Variants in RORA observed in about 807,000 individuals in gnomAD.
RORA encodes the protein nuclear receptor ROR-alpha.
RORA carries 7 observed loss-of-function variants against 69.5 expected under a neutral mutation model. That is an observed-to-expected ratio of 0.10 (90% CI 0.06 to 0.19). RORA has a LOEUF of 0.19. RORA is among the 10% of genes least tolerant of loss of function. The pLI is 1.00. For missense variants in RORA, 457 were observed against 663.0 expected (o/e 0.69, Z 3.41); for synonymous variants, 261 against 240.8 (o/e 1.08, Z -0.78).
At chr15:60,947,989 G>A (rs113239207) in intron 1 of RORA, among the ~76,000 whole-genome samples, 1 of 152,172 alleles carries the variant, frequency 6.6e-6, no homozygotes, top group Admixed American at 6.5e-5. Flanking sequence ...TATAGGGGTG[G>A]ATGATGCCTT....
At chr15:60,629,641 G>T (rs189103412) in intron 2 of RORA, among the ~76,000 whole-genome samples, 1 of 152,300 alleles carries the variant, frequency 6.6e-6, no homozygotes, top group Admixed American at 6.5e-5. Flanking sequence ...TAGGCAGATG[G>T]GATGCTGCCA....
At chr15:60,724,700 C>T (rs1335583751) in intron 1 of RORA, among the ~76,000 whole-genome samples, 2 of 152,166 alleles carry the variant, frequency 1.3e-5, no homozygotes, top group Non-Finnish European at 2.9e-5. Flanking sequence ...GGAGGGCGAG[C>T]TCCTTAAGAA....
At chr15:60,887,614 A>G (rs2073765819) in intron 1 of RORA, among the ~76,000 whole-genome samples, 1 of 152,234 alleles carries the variant, frequency 6.6e-6, no homozygotes, top group African/African-American at 2.4e-5. Context: ...ATTTCTTTCT[A>G]TGTGGTTATA....
rs1023218595 is a variant in RORA at position 60,490,573 on chromosome 15, G to A, written c.*6882C>T. ...GTAAGAGAGAAAATGTTTACAGGCCGTTACAAGTTCTTAAGTTAATAGTAA... is the reference window on the plus strand; with the variant it reads ...GTAAGAGAGAAAATGTTTACAGGCCATTACAAGTTCTTAAGTTAATAGTAA... On this transcript the variant is annotated 3_prime_UTR_variant, in exon 11 of 11. Coordinates refer to ENST00000335670, the MANE Select transcript of RORA (RefSeq NM_134261.3). The surrounding 1 kb of genome is among the most constrained non-coding windows in gnomAD (Gnocchi z 4.1). 3 of 152,082 alleles carry A rather than the reference G, an allele frequency of 2.0e-5. No homozygotes were observed. The highest frequency in any genetic ancestry group is 2.9e-5 in the Non-Finnish European group (2 of 67,978). The allele number at this position is 152,082 out of a possible 1,614,324, so 9.4% of individuals were successfully genotyped here. A position where few individuals can be genotyped will look rare whatever the true frequency, so the allele number is the denominator to read the frequency against.
rs557852764 is a variant in RORA at position 61,196,800 on chromosome 15, T to A, written c.166+32253A>T. The stretch of plus-strand genomic sequence containing the variant: ...TTGTTACAGTGTTTTAAAAAAATTT[T>A]AAGACACATAATCCAGTCACCCGTG... On this transcript the variant is annotated intron_variant, in intron 1 of 10. Transcript: ENST00000335670. 2.3e-3 allele frequency among the ~76,000 whole-genome samples: 348 copies of A among 152,368 alleles called. 2 individuals are homozygous for A. The highest frequency in any genetic ancestry group is 8.1e-3 in the African/African-American group (336 of 41,594).
Position 61,147,174 on chromosome 15 carries a change from T to C in RORA, c.166+81879A>G, listed in dbSNP as rs147458384. On this transcript the variant is annotated intron_variant, in intron 1 of 10. Coordinates refer to ENST00000335670, the MANE Select transcript of RORA (RefSeq NM_134261.3). The surrounding 1 kb of genome is among the most constrained non-coding windows in gnomAD (Gnocchi z 4.1). ...GGGCTTATTTTATTCCCCAGAACCT[T>C]TGCATGCGTCAACCACTAGTCATGC... Among the ~76,000 whole-genome samples, 22 of 152,222 alleles carry C rather than the reference T, an allele frequency of 1.4e-4. No homozygotes were observed. Among genetic ancestry groups the C allele is most frequent in the African/African-American group, 5.3e-4 (22 of 41,544 alleles).
chr15:60,556,958 A>C (rs757323789), intron 2 of RORA: 12 of 1,570,544 alleles, frequency 7.6e-6, no homozygotes, highest in Non-Finnish European at 1.0e-5. Flanking sequence ...CCAATGATAA[A>C]GGACAAAGAA....
chr15:61,183,549 A>AT (rs397701847), intron 1 of RORA, among the ~76,000 whole-genome samples: 8 of 150,948 alleles, frequency 5.3e-5, no homozygotes, highest in Non-Finnish European at 1.0e-4. Context: ...AAAAAAAAAA[A>AT]GGAAAAAAAC....
At chr15:60,617,133 T>C (rs2069265441) in intron 2 of RORA, among the ~76,000 whole-genome samples, 1 of 152,240 alleles carries the variant, frequency 6.6e-6, no homozygotes, top group African/African-American at 2.4e-5. Context: ...ATGATATGTA[T>C]TCTTTACTAG....
Position 61,138,835 on chromosome 15 carries a change from A to AT in RORA, c.166+90217_166+90218insA, listed in dbSNP as rs534144356. Among the ~76,000 whole-genome samples the AT allele has an allele frequency of 6.6e-3, 1,007 of 152,256 alleles. 13 individuals are homozygous for AT. Among genetic ancestry groups the AT allele is most frequent in the African/African-American group, 0.023 (945 of 41,552 alleles). On this transcript the variant is annotated intron_variant, in intron 1 of 10. Transcript: ENST00000335670. ...AGGGACACTGCATAAAATAAAATAAAAAAATAAATTAAATTTAAAAAAAAC... is the reference window on the plus strand; with the variant it reads ...AGGGACACTGCATAAAATAAAATAAATAAAATAAATTAAATTTAAAAAAAAC...
chr15:60,598,684 T>C (rs1178993838), intron 2 of RORA, among the ~76,000 whole-genome samples: 1 of 152,214 alleles, frequency 6.6e-6, no homozygotes, highest in African/African-American at 2.4e-5. Context: ...AGTAGTTAAG[T>C]TATGGGGGAT....
At chr15:60,990,727 C>T (rs977320131) in intron 1 of RORA, among the ~76,000 whole-genome samples, 1 of 152,196 alleles carries the variant, frequency 6.6e-6, no homozygotes, top group Non-Finnish European at 1.5e-5. Context: ...CAAACACCCA[C>T]ACCTACAGCA....
intron 1 of RORA, among the ~76,000 whole-genome samples, chr15:61,050,591 A>C (rs764180894): frequency 6.6e-6 from 1 of 152,174 alleles, no homozygotes; most frequent in Non-Finnish European, 1.5e-5. Context: ...GATGTTCTAA[A>C]CACTAAGAGG....
intron 1 of RORA, among the ~76,000 whole-genome samples, chr15:60,948,751 C>T (rs1028174792): frequency 6.6e-6 from 1 of 152,190 alleles, no homozygotes; most frequent in African/African-American, 2.4e-5. Context: ...TCTTCCCATC[C>T]CCCACAACAA....
At chr15:60,931,444 T>C (rs1461441383) in intron 1 of RORA, among the ~76,000 whole-genome samples, 1 of 152,274 alleles carries the variant, frequency 6.6e-6, no homozygotes, top group Non-Finnish European at 1.5e-5. Context: ...AGAAGAGGCC[T>C]GGCTTCAGCT....
chr15:60,976,700 T>C (rs1893881730), intron 1 of RORA, among the ~76,000 whole-genome samples: 2 of 152,050 alleles, frequency 1.3e-5, no homozygotes, highest in Non-Finnish European at 2.9e-5. Flanking sequence ...CCAGACGGGC[T>C]CATTAAAACC....
intron 1 of RORA, among the ~76,000 whole-genome samples, chr15:60,699,110 TA>T: frequency 6.6e-6 from 1 of 152,268 alleles, no homozygotes; most frequent in Middle Eastern, 3.4e-3. Context: ...TTGATAATCA[TA>T]GCCCTTTATG....
At chr15:60,677,716 T>A (rs1368744687) in intron 2 of RORA, among the ~76,000 whole-genome samples, 1 of 152,138 alleles carries the variant, frequency 6.6e-6, no homozygotes, top group Non-Finnish European at 1.5e-5. Context: ...CCCAAACGTT[T>A]CACATGAAAT....
intron 2 of RORA, among the ~76,000 whole-genome samples, chr15:60,665,832 G>A (rs569633406): frequency 2.0e-5 from 3 of 152,000 alleles, no homozygotes; most frequent in Non-Finnish European, 4.4e-5. Flanking sequence ...CTGTCACCAT[G>A]CCCGGCTAAT....
Sources: gnomAD v4.1 joint callset for allele counts (sites outside exome capture counted in the v4.1 genomes callset) on GRCh38, gnomAD v4.1.1 for gene constraint, Gnocchi (gnomAD v3.1) non-coding constraint, MANE v1.5 for transcripts, NCBI Gene and HGNC (gene_info 2026-07-23, HGNC 2026-07-21) for gene names.